Variants in NAPB observed in about 807,000 individuals in gnomAD.
NAPB encodes the protein beta-soluble NSF attachment protein.
In NAPB, 26 loss-of-function variants were observed where a neutral mutation model predicts 44.7. The ratio of observed to expected loss-of-function variants is 0.58; its 90% CI spans 0.43 to 0.81. NAPB has a LOEUF of 0.81. NAPB is among the 30% of genes least tolerant of loss of function. The pLI, the probability that NAPB is intolerant of heterozygous loss-of-function variation, is 0.00. For missense variants in NAPB, 315 were observed against 356.4 expected (o/e 0.88, Z 0.94); for synonymous variants, 120 against 116.8 (o/e 1.03, Z -0.18).
intron 1 of NAPB, among the ~76,000 whole-genome samples, chr20:23,417,482 G>C (rs1325781593): frequency 6.6e-6 from 1 of 152,096 alleles, no homozygotes; most frequent in East Asian, 1.9e-4. Context: ...TATTATAAGA[G>C]GCTTTTCCAA....
chr20:23,394,447 A>C (rs1046272004), intron 5 of NAPB, among the ~76,000 whole-genome samples: 3 of 152,156 alleles, frequency 2.0e-5, no homozygotes, highest in Non-Finnish European at 4.4e-5. Context: ...TGGGTTAGAG[A>C]TGACTGCTGG....
intron 1 of NAPB, among the ~76,000 whole-genome samples, chr20:23,412,071 A>G (rs530475494): frequency 6.6e-6 from 1 of 152,190 alleles, no homozygotes; most frequent in Non-Finnish European, 1.5e-5. Flanking sequence ...AACAGCAAAT[A>G]ACCCTGACAT....
At chr20:23,400,147 A>G (rs532520339) in intron 2 of NAPB, among the ~76,000 whole-genome samples, 1 of 152,306 alleles carries the variant, frequency 6.6e-6, no homozygotes, top group East Asian at 1.9e-4. Flanking sequence ...CCCACATTCC[A>G]AAACGAGTTG....
rs747714803 is a variant in NAPB, at chr20:23,375,015, G to A, written c.*2361C>T. The A allele has an allele frequency of 6.6e-6, 1 of 152,124 alleles. No homozygotes were observed. The highest frequency in any genetic ancestry group is 1.5e-5 in the Non-Finnish European group (1 of 68,036). The allele number at this position is 152,124 out of a possible 1,614,324, so 9.4% of individuals were successfully genotyped here. ...ACATTCTATAAATCTTGAAGACCTA[G>A]CTCACAGGCATCTTGAAACATGGCA... On this transcript the variant is annotated 3_prime_UTR_variant, in exon 11 of 11. Coordinates refer to ENST00000377026, the MANE Select transcript of NAPB (RefSeq NM_022080.3).
chr20:23,392,255 AAGAAATATTTTCTTCCAG>A (rs11270749), intron 5 of NAPB, among the ~76,000 whole-genome samples: 2,092 of 152,296 alleles, frequency 0.014, 52 homozygotes, highest in East Asian at 0.093. Flanking sequence ...AGGTGTTCCA[AAGAAATATTTTCTTCCAG>A]AGAAATATTT....
chr20:23,421,153 G>T (rs1376241561), intron 1 of NAPB, 152 bp downstream of exon 1: 1 of 603,286 alleles, frequency 1.7e-6, no homozygotes, highest in Non-Finnish European at 2.8e-6. Context: ...GGACCCTACA[G>T]GATTTCTGGA....
intron 8 of NAPB, 98 bp from the exon 9 acceptor site, chr20:23,380,033 A>G (rs976225748): frequency 1.1e-6 from 1 of 869,848 alleles, no homozygotes; most frequent in African/African-American, 1.7e-5. Context: ...ATATCCTATT[A>G]AGTGTTGAAA....
chr20:23,388,608 A>G (rs563747721), intron 7 of NAPB, among the ~76,000 whole-genome samples: 2 of 152,334 alleles, frequency 1.3e-5, no homozygotes, highest in South Asian at 4.1e-4. Flanking sequence ...CTCATATTTC[A>G]TATGGTGAAA....
At position 23,421,424 on chromosome 20, in the gene NAPB, AG is replaced by A; in HGVS notation, c.-23del. 5 of 1,537,788 alleles carry A rather than the reference AG, an allele frequency of 3.3e-6. No individual in the cohort carries two copies. The highest frequency in any genetic ancestry group is 4.4e-6 in the Non-Finnish European group (5 of 1,141,136). ...CCATGTCGCCCGCCGCGGCCGCCAC[AG>A]CCCCCTCAGCCGGCTCGCTGTGCGC... is the stretch of plus-strand genomic sequence containing the variant. On this transcript the variant is annotated 5_prime_UTR_variant, in exon 1 of 11. Coordinates refer to ENST00000377026, the MANE Select transcript of NAPB (RefSeq NM_022080.3).
intron 7 of NAPB, among the ~76,000 whole-genome samples, chr20:23,388,832 C>CATG (rs73619899): frequency 0.57 from 86,155 of 151,514 alleles, 26,373 homozygotes; most frequent in East Asian, 0.88. Flanking sequence ...GGAAAAGCCT[C>CATG]ATATCAGATT....
At chr20:23,386,767 C>T (rs1045827104) in intron 7 of NAPB, among the ~76,000 whole-genome samples, 1 of 152,218 alleles carries the variant, frequency 6.6e-6, no homozygotes, top group Non-Finnish European at 1.5e-5. Flanking sequence ...TCCTGGAAGT[C>T]TCCTAGACCT....
chr20:23,421,150 A>G (rs991121926), intron 1 of NAPB, among the ~76,000 whole-genome samples, 155 bp downstream of exon 1: 4 of 150,196 alleles, frequency 2.7e-5, no homozygotes, highest in Non-Finnish European at 5.9e-5. Flanking sequence ...GGGGGACCCT[A>G]CAGGATTTCT....
At chr20:23,411,199 G>A (rs1241891049) in intron 1 of NAPB, among the ~76,000 whole-genome samples, 1 of 152,154 alleles carries the variant, frequency 6.6e-6, no homozygotes, top group Non-Finnish European at 1.5e-5. Context: ...TCGAAATACT[G>A]AACAGGCCTA....
Position 23,376,215 on chromosome 20 carries a change from AAATT to A in NAPB, c.*1157_*1160del, listed in dbSNP as rs760050226. On this transcript the variant is annotated 3_prime_UTR_variant, in exon 11 of 11. Transcript: ENST00000377026. The stretch of plus-strand genomic sequence containing the variant: ...TGTCTAAAGTACAATATCAGCATAT[AAATT>A]AATAGGATCAAGTTCATGAATCAAG... The A allele has an allele frequency of 6.6e-6, 1 of 152,224 alleles. No homozygotes were observed. Among genetic ancestry groups the A allele is most frequent in the South Asian group, 2.1e-4 (1 of 4,832 alleles). The allele number at this position is 152,224 out of a possible 1,614,324, so 9.4% of individuals were successfully genotyped here. A position where few individuals can be genotyped will look rare whatever the true frequency, so the allele number is the denominator to read the frequency against.
In NAPB at chr20:23,421,342, C is replaced by G. The variant is rs1166439472; in HGVS notation, c.61G>C (p.Val21Leu). 1 of 1,565,180 alleles carries G rather than the reference C, an allele frequency of 6.4e-7. No homozygotes were observed. ...VQLMAEAEKR[V>L]KASHSFLRGL... ...CGGAGGAAGGAGTGGGAGGCCTTGA[C>G]TCGCTTCTCGGCCTCCGCCATCAGC... The change falls in exon 1 of 11, where the codon GTC becomes CTC. Residue 21 changes from valine to leucine, a missense_variant. Val to Leu is a conservative substitution (Grantham distance 32, BLOSUM62 1). Transcript: ENST00000377026.
intron 2 of NAPB, among the ~76,000 whole-genome samples, chr20:23,397,464 C>A (rs2281434): frequency 0.076 from 11,553 of 152,306 alleles, 668 homozygotes; most frequent in East Asian, 0.3. Flanking sequence ...CCATTCAATA[C>A]CAGTAGCCAA....
chr20:23,377,527 T>C, intron 10 of NAPB, 41 bp from the exon 11 acceptor site: 1 of 1,377,958 alleles, frequency 7.3e-7, no homozygotes, highest in Non-Finnish European at 1.0e-6. Context: ...CCCATGTAAA[T>C]ACATTAAAAA....
At chr20:23,414,903 T>C (rs1600602847) in intron 1 of NAPB, among the ~76,000 whole-genome samples, 1 of 152,268 alleles carries the variant, frequency 6.6e-6, no homozygotes, top group East Asian at 1.9e-4. Context: ...ATATATTCTC[T>C]TTGACTCCAT....
chr20:23,381,000 T>A, intron 8 of NAPB: 1 of 507,012 alleles, frequency 2.0e-6, no homozygotes, highest in Non-Finnish European at 3.6e-6. Context: ...TTCAGGGTGG[T>A]ATGGCTATAA....
Sources: allele counts gnomAD v4.1 joint callset (sites outside exome capture counted in the v4.1 genomes callset), GRCh38; gene constraint gnomAD v4.1.1; transcripts MANE v1.5; gene names NCBI Gene and HGNC (gene_info 2026-07-23, HGNC 2026-07-21).